Variants in STK32B observed in about 807,000 individuals in gnomAD.
The protein encoded by STK32B is serine/threonine kinase 32B.
STK32B carries 43 observed loss-of-function variants against 52.6 expected under a neutral mutation model. The observed-to-expected ratio is 0.82, with a 90% CI of 0.64 to 1.05. STK32B has a LOEUF of 1.05. Ranked by LOEUF, STK32B falls within the 50% of genes least tolerant of loss-of-function variation. STK32B has a pLI of 0.00. For synonymous variants in STK32B, 238 were observed against 204.3 expected (o/e 1.17, Z -1.41); for missense variants, 621 against 534.6 (o/e 1.16, Z -1.59).
chr4:5,414,252 A>G (rs1012942536), intron 5 of STK32B, among the ~76,000 whole-genome samples: 5 of 151,992 alleles, frequency 3.3e-5, no homozygotes, highest in South Asian at 2.1e-4. Flanking sequence ...ATTAAATAAC[A>G]TATATGATAA....
intron 3 of STK32B, among the ~76,000 whole-genome samples, chr4:5,181,850 A>T (rs1378639253): frequency 6.6e-6 from 1 of 152,224 alleles, no homozygotes; most frequent in Non-Finnish European, 1.5e-5. Flanking sequence ...CAACTTCCTA[A>T]AATAAGACAA....
At chr4:5,347,889 T>C (rs868434754) in intron 4 of STK32B, among the ~76,000 whole-genome samples, 25 of 152,344 alleles carry the variant, frequency 1.6e-4, no homozygotes, top group Middle Eastern at 3.4e-3. Context: ...CATGCAGAAC[T>C]ATGAGTCAAT....
At chr4:5,268,378 C>T (rs527528383) in intron 3 of STK32B, among the ~76,000 whole-genome samples, 1 of 152,130 alleles carries the variant, frequency 6.6e-6, no homozygotes, top group Non-Finnish European at 1.5e-5. Flanking sequence ...CCGCTCTGCC[C>T]CAGGACCTTT....
chr4:5,441,104 A>T (rs1714699038), intron 6 of STK32B, among the ~76,000 whole-genome samples: 1 of 149,496 alleles, frequency 6.7e-6, no homozygotes, highest in Non-Finnish European at 1.5e-5. Flanking sequence ...TGGTATCAGG[A>T]TGATGCTGGC....
chr4:5,218,655 G>A (rs770546941), intron 3 of STK32B, among the ~76,000 whole-genome samples: 2 of 152,194 alleles, frequency 1.3e-5, no homozygotes, highest in Non-Finnish European at 2.9e-5. Context: ...GAGGTGAGGC[G>A]AGGTGGATTC....
chr4:5,314,267 A>G (rs72616110), intron 3 of STK32B, among the ~76,000 whole-genome samples: 17,701 of 152,156 alleles, frequency 0.12, 2,587 homozygotes, highest in African/African-American at 0.35. Flanking sequence ...CCCAACTGCA[A>G]AGTTTCAAAA....
chr4:5,273,667 A>G (rs1727597304), intron 3 of STK32B, among the ~76,000 whole-genome samples: 1 of 81,700 alleles, frequency 1.2e-5, no homozygotes, highest in Admixed American at 1.3e-4. Flanking sequence ...CAGCCATAAA[A>G]AATGATGAGT....
chr4:5,054,005 A>G (rs1741895980), intron 1 of STK32B, among the ~76,000 whole-genome samples: 1 of 91,282 alleles, frequency 1.1e-5, no homozygotes, highest in African/African-American at 4.3e-5. Context: ...ATAAATAAAT[A>G]TAAATAAATA....
chr4:5,072,707 C>T (rs1193963486), intron 1 of STK32B, among the ~76,000 whole-genome samples: 2 of 152,130 alleles, frequency 1.3e-5, no homozygotes, highest in Non-Finnish European at 2.9e-5. Flanking sequence ...AATATATATC[C>T]TTCTGTTACT....
chr4:5,443,035 A>C, intron 6 of STK32B, among the ~76,000 whole-genome samples: 1 of 150,784 alleles, frequency 6.6e-6, no homozygotes, highest in Non-Finnish European at 1.5e-5. Context: ...GCTGCCCTTA[A>C]CATTTTTTCC....
chr4:5,271,695 A>G (rs537550139), intron 3 of STK32B, among the ~76,000 whole-genome samples: 7 of 146,644 alleles, frequency 4.8e-5, no homozygotes, highest in African/African-American at 1.6e-4. Context: ...AGTGGTTTGT[A>G]GTTCTCCTTG....
chr4:5,252,041 C>CT (rs1347592264), intron 3 of STK32B, among the ~76,000 whole-genome samples: 1 of 152,064 alleles, frequency 6.6e-6, no homozygotes, highest in East Asian at 1.9e-4. Context: ...CTTTTCCAAC[C>CT]TGAAGATCCC....
intron 3 of STK32B, among the ~76,000 whole-genome samples, chr4:5,281,541 G>A (rs1728198992): frequency 6.6e-6 from 1 of 151,978 alleles, no homozygotes; most frequent in East Asian, 1.9e-4. Context: ...AAACCACCAC[G>A]GCACATGTAT....
At chr4:5,226,325 C>T (rs73797135) in intron 3 of STK32B, among the ~76,000 whole-genome samples, 2,252 of 152,286 alleles carry the variant, frequency 0.015, 62 homozygotes, top group African/African-American at 0.052. Flanking sequence ...AATCCTTACA[C>T]GTGGACATCC....
intron 3 of STK32B, among the ~76,000 whole-genome samples, chr4:5,216,825 T>G (rs1250161556): frequency 2.0e-5 from 3 of 152,208 alleles, no homozygotes; most frequent in Non-Finnish European, 4.4e-5. Context: ...GGGTGTGATA[T>G]GAACAGATTT....
chr4:5,078,559 C>T (rs1228569724), intron 1 of STK32B, among the ~76,000 whole-genome samples: 3 of 152,158 alleles, frequency 2.0e-5, no homozygotes, highest in African/African-American at 7.2e-5. Flanking sequence ...GATTCAACTA[C>T]GTCCGAACCT....
Position 5,277,470 on chromosome 4 carries a change from A to T in STK32B, c.261-53750A>T, listed in dbSNP as rs117956937. Among the ~76,000 whole-genome samples, 457 of 152,222 alleles carry T rather than the reference A, an allele frequency of 3.0e-3. 12 individuals carry two copies. The East Asian group carries it at 0.067, about 22-fold the overall frequency. ...AGCAATTTTAATGGGGTTTCACTGGATCAGCTAAAATAGACATTGAAAAGT... is the reference window on the plus strand; with the variant it reads ...AGCAATTTTAATGGGGTTTCACTGGTTCAGCTAAAATAGACATTGAAAAGT... On this transcript the variant is annotated intron_variant, in intron 3 of 11. Coordinates refer to ENST00000282908, the MANE Select transcript of STK32B (RefSeq NM_018401.3).
Position 5,190,965 on chromosome 4 carries a change from C to T in STK32B, c.260+22515C>T, listed in dbSNP as rs78963650. Among the ~76,000 whole-genome samples, 960 of 152,292 alleles carry T rather than the reference C, an allele frequency of 6.3e-3. 8 individuals carry two copies. The highest frequency in any genetic ancestry group is 0.021 in the African/African-American group (888 of 41,554). On this transcript the variant is annotated intron_variant, in intron 3 of 11. Coordinates refer to ENST00000282908, the MANE Select transcript of STK32B (RefSeq NM_018401.3). ...ACTCCAGAGCCTGCACTCTCTACAA[C>T]GTAACACTGCCTGCACTTTTCTTCC...
chr4:5,105,630 C>T (rs1011730987), intron 1 of STK32B, among the ~76,000 whole-genome samples: 4 of 151,988 alleles, frequency 2.6e-5, no homozygotes, highest in African/African-American at 9.7e-5. Flanking sequence ...GTGGCGGGAT[C>T]TTGGCTCACT....
Sources: gnomAD v4.1 joint callset for allele counts (sites outside exome capture counted in the v4.1 genomes callset) on GRCh38, gnomAD v4.1.1 for gene constraint, MANE v1.5 for transcripts, NCBI Gene and HGNC (gene_info 2026-07-23, HGNC 2026-07-21) for gene names.